The following CACNA1H variants were observed in gnomAD, a reference collection of about 807,000 sequenced individuals.
CACNA1H encodes calcium voltage-gated channel subunit alpha1 H, also known as voltage-dependent T-type calcium channel subunit alpha-1H.
A neutral mutation model predicts 192.5 loss-of-function variants in CACNA1H; 149 were observed. That is an observed-to-expected ratio of 0.77 (90% CI 0.68 to 0.89). The LOEUF (loss-of-function observed/expected upper bound fraction) is 0.89. CACNA1H is among the 40% of genes least tolerant of loss of function. The pLI is 0.00. For synonymous variants in CACNA1H, 2,202 were observed against 1,475.2 expected (o/e 1.49, Z -11.29); for missense variants, 4,257 against 3,423.5 (o/e 1.24, Z -6.08).
At chr16:1,216,773 G>A (rs1315852186) in intron 30 of CACNA1H, among the ~76,000 whole-genome samples, 159 bp from the exon 31 acceptor site, 2 of 146,700 alleles carry the variant, frequency 1.4e-5, no homozygotes, top group African/African-American at 2.5e-5. Flanking sequence ...AGGGGTCCCC[G>A]CCCAGCTCTG....
At chr16:1,200,097 C>T (rs919526215) in intron 6 of CACNA1H, among the ~76,000 whole-genome samples, 159 bp from the exon 7 acceptor site, 4 of 152,174 alleles carry the variant, frequency 2.6e-5, no homozygotes, top group African/African-American at 4.8e-5. Context: ...ATCATGCCCC[C>T]TGACCCTAAC....
chr16:1,217,129 A>C (rs937670663), intron 31 of CACNA1H, 119 bp downstream of exon 31: 9 of 845,784 alleles, frequency 1.1e-5, no homozygotes, highest in Non-Finnish European at 1.6e-5. Context: ...TCAGGGCCAC[A>C]CGCCTCCTGG....
chr16:1,212,758 C>T (rs967988374), intron 26 of CACNA1H, among the ~76,000 whole-genome samples: 4 of 152,222 alleles, frequency 2.6e-5, no homozygotes, highest in African/African-American at 9.6e-5. Context: ...CTCCGCCGTG[C>T]GCCGGGACAC....
At chr16:1,182,599 G>A (rs968450545) in intron 2 of CACNA1H, among the ~76,000 whole-genome samples, 3 of 152,164 alleles carry the variant, frequency 2.0e-5, no homozygotes, top group East Asian at 1.9e-4. Context: ...CTCCGGCCAC[G>A]TTCCCCTGGC....
intron 2 of CACNA1H, among the ~76,000 whole-genome samples, chr16:1,166,795 T>C (rs1356814774): frequency 6.6e-6 from 1 of 152,216 alleles, no homozygotes; most frequent in Non-Finnish European, 1.5e-5. Flanking sequence ...CGCCCTCATG[T>C]AGACGGGCTG....
intron 9 of CACNA1H, among the ~76,000 whole-genome samples, chr16:1,202,829 C>A (rs555489020): frequency 6.6e-6 from 1 of 152,112 alleles, no homozygotes; most frequent in African/African-American, 2.4e-5. Context: ...CAGCGTCCTT[C>A]GTGGCCATTG....
Position 1,206,368 on chromosome 16 carries a change from G to A in CACNA1H, c.2789+79G>A, listed in dbSNP as rs1005814688. The A allele has an allele frequency of 3.4e-5, 46 of 1,342,122 alleles. No individual in the cohort carries two copies. In the East Asian group the frequency reaches 5.1e-4, roughly 15 times the overall value. The allele number at this position is 1,342,122 out of a possible 1,614,324, so 83.1% of individuals were successfully genotyped here. ...GAGGCAAAGGCCCAGGGCACCCCCC[G>A]AAGGAGAAGGAGCCCTCCCACCAGC... On this transcript the variant is annotated intron_variant, in intron 12 of 34. Coordinates refer to ENST00000348261, the MANE Select transcript of CACNA1H (RefSeq NM_021098.3).
intron 14 of CACNA1H, 124 bp from the exon 15 acceptor site, chr16:1,207,646 G>A: frequency 1.0e-6 from 1 of 971,306 alleles, no homozygotes; most frequent in Non-Finnish European, 1.6e-6. Context: ...CCCTGGCAGT[G>A]ACATCATCCT....
intron 2 of CACNA1H, among the ~76,000 whole-genome samples, chr16:1,165,518 G>A (rs1282005447): frequency 1.3e-5 from 2 of 150,966 alleles, no homozygotes; most frequent in Non-Finnish European, 2.9e-5. Flanking sequence ...GCTCCAGGTG[G>A]AGAGAGAGGC....
chr16:1,188,374 A>G (rs1014315814), intron 2 of CACNA1H, among the ~76,000 whole-genome samples: 2 of 151,912 alleles, frequency 1.3e-5, no homozygotes, highest in African/African-American at 2.4e-5. Context: ...CTCTGGGGAG[A>G]GGGGTCCCAC....
chr16:1,167,084 C>T lies in CACNA1H; in HGVS notation c.299+13048C>T, dbSNP rs1963864033. Among the ~76,000 whole-genome samples the T allele has an allele frequency of 6.6e-6, 1 of 152,230 alleles. No homozygotes were observed. The highest frequency in any genetic ancestry group is 1.5e-5 in the Non-Finnish European group (1 of 68,052). ...AGTGGTGGTTCAGCAGCAGTGAGTGCTGACAACCACACCCAGCCGGAGTCC... is the reference window on the plus strand; with the variant it reads ...AGTGGTGGTTCAGCAGCAGTGAGTGTTGACAACCACACCCAGCCGGAGTCC... On this transcript the variant is annotated intron_variant, in intron 2 of 34. Coordinates refer to ENST00000348261, the MANE Select transcript of CACNA1H (RefSeq NM_021098.3). This position sits in a 1 kb window ranked among gnomAD's most constrained non-coding sequence, Gnocchi z 4.2.
chr16:1,177,955 C>T (rs975175844), intron 2 of CACNA1H, among the ~76,000 whole-genome samples: 6 of 151,642 alleles, frequency 4.0e-5, no homozygotes, highest in Non-Finnish European at 5.9e-5. Flanking sequence ...CTGCGGGCAC[C>T]GCCCTTTCTC....
At chr16:1,186,631 C>T (rs1392160881) in intron 2 of CACNA1H, among the ~76,000 whole-genome samples, 2 of 152,148 alleles carry the variant, frequency 1.3e-5, no homozygotes, top group East Asian at 3.8e-4. Context: ...TGAATGTGGT[C>T]ACGTGTCCTC....
intron 26 of CACNA1H, among the ~76,000 whole-genome samples, 176 bp from the exon 27 acceptor site, chr16:1,213,604 C>G (rs922719427): frequency 2.0e-5 from 3 of 152,016 alleles, no homozygotes; most frequent in Non-Finnish European, 4.4e-5. Context: ...GAGAGTCCCC[C>G]TTCTCCAGTC....
chr16:1,190,385 G>T (rs1966495730), intron 2 of CACNA1H, among the ~76,000 whole-genome samples: 1 of 152,258 alleles, frequency 6.6e-6, no homozygotes, highest in African/African-American at 2.4e-5. Context: ...GACACTGCCT[G>T]TCCTCAGCTG....
chr16:1,207,931 A>G (rs1968941883), intron 15 of CACNA1H, 71 bp downstream of exon 15: 3 of 1,544,240 alleles, frequency 1.9e-6, no homozygotes, highest in Non-Finnish European at 1.8e-6. Flanking sequence ...CAGGGCCCCC[A>G]TAAGGCAATC....
chr16:1,219,854 G>C (rs1970341009), intron 34 of CACNA1H, 127 bp from the exon 35 acceptor site: 2 of 637,082 alleles, frequency 3.1e-6, no homozygotes, highest in East Asian at 6.9e-5. Flanking sequence ...CGAGGGTCAG[G>C]AGCCACCCAG....
In CACNA1H at chr16:1,206,215, C is replaced by G. The variant is rs746896203; in HGVS notation, c.2715C>G (p.Leu905=). The part of the protein sequence containing the change: ...VRFLPALRRQ[L]VVLVKTMDNV... ...TTCTGCCAGCCCTGCGGCGCCAGCT[C>G]GTGGTGCTGGTGAAGACCATGGACA... The change falls in exon 12 of 35, where the codon CTC becomes CTG. Residue 905 remains leucine, a synonymous_variant. Coordinates refer to ENST00000348261, the MANE Select transcript of CACNA1H (RefSeq NM_021098.3). The G allele has an allele frequency of 1.3e-6, 2 of 1,593,112 alleles. No homozygotes were observed. The highest frequency in any genetic ancestry group is 1.7e-6 in the Non-Finnish European group (2 of 1,170,796).
At chr16:1,194,454 G>A (rs575569809) in intron 2 of CACNA1H, among the ~76,000 whole-genome samples, 20 of 152,254 alleles carry the variant, frequency 1.3e-4, no homozygotes, top group African/African-American at 4.6e-4. Context: ...AGTCTGCCCC[G>A]AGTTGTGCCA....
Sources: gnomAD v4.1 joint callset for allele counts (sites outside exome capture counted in the v4.1 genomes callset) on GRCh38, gnomAD v4.1.1 for gene constraint, Gnocchi (gnomAD v3.1) non-coding constraint, MANE v1.5 for transcripts, NCBI Gene and HGNC (gene_info 2026-07-23, HGNC 2026-07-21) for gene names.